Variants in SOAT1 observed in about 807,000 individuals in gnomAD.
The protein encoded by SOAT1 is sterol O-acyltransferase 1.
SOAT1 carries 55 observed loss-of-function variants against 69.5 expected under a neutral mutation model. That is an observed-to-expected ratio of 0.79 (90% confidence interval 0.64 to 0.99). The LOEUF (loss-of-function observed/expected upper bound fraction) is 0.99. Ranked by LOEUF, SOAT1 falls within the 50% of genes least tolerant of loss-of-function variation. The pLI is 0.00. For synonymous variants in SOAT1, 231 were observed against 224.7 expected, an observed-to-expected ratio of 1.03 and a Z score of -0.25; for missense variants, 580 against 669.3, an observed-to-expected ratio of 0.87 and a Z score of 1.47.
intron 10 of SOAT1, 26 bp downstream of exon 10, chr1:179,343,661 A>G (rs1666420780): frequency 6.4e-7 from 1 of 1,552,068 alleles, no homozygotes; most frequent in Non-Finnish European, 8.9e-7. Flanking sequence ...TGCCTAAGGT[A>G]TGTTGATTAG....
intron 1 of SOAT1, among the ~76,000 whole-genome samples, chr1:179,299,839 C>T (rs1179677476): frequency 2.8e-5 from 4 of 141,274 alleles, no homozygotes; most frequent in Non-Finnish European, 3.0e-5. Flanking sequence ...CTGCAAGCTC[C>T]GCCTCCTGGG....
chr1:179,302,093 G>A (rs1483460707), intron 1 of SOAT1, among the ~76,000 whole-genome samples: 1 of 148,550 alleles, frequency 6.7e-6, no homozygotes, highest in African/African-American at 2.5e-5. Flanking sequence ...TGGGGTCTAT[G>A]TTTAAAAAGG....
intron 2 of SOAT1, among the ~76,000 whole-genome samples, chr1:179,308,887 GA>G (rs2124944192): frequency 6.6e-6 from 1 of 152,072 alleles, no homozygotes; most frequent in African/African-American, 2.4e-5. Flanking sequence ...GTAAGTCTCA[GA>G]TATCTTTTCA....
Position 179,355,961 on chromosome 1 carries a change from C to T in SOAT1, c.*2320C>T, listed in dbSNP as rs190836686. 1 of 152,304 alleles carries T rather than the reference C, an allele frequency of 6.6e-6. No homozygotes were observed. Among genetic ancestry groups the T allele is most frequent in the East Asian group, 1.9e-4 (1 of 5,192 alleles). 9.4% of individuals were successfully genotyped at this position (152,304 alleles called of 1,614,324 possible). On this transcript the variant is annotated 3_prime_UTR_variant, in exon 16 of 16. Transcript: ENST00000367619. ...AAACAGTAGCACTTCAAGGAATGGT[C>T]ACTTTCTATGAAAGAAACTGGTTTG...
chr1:179,320,726 T>C (rs547152100), intron 2 of SOAT1, among the ~76,000 whole-genome samples: 1 of 152,206 alleles, frequency 6.6e-6, no homozygotes, highest in African/African-American at 2.4e-5. Flanking sequence ...TCACATTCTT[T>C]TATTTTATTT....
At chr1:179,310,571 CT>C (rs1665189807) in intron 2 of SOAT1, among the ~76,000 whole-genome samples, 1 of 152,078 alleles carries the variant, frequency 6.6e-6, no homozygotes, top group Admixed American at 6.6e-5. Context: ...CTTATCTTCC[CT>C]TTTATTGTTA....
Position 179,334,427 on chromosome 1 carries a change from G to C in SOAT1, c.178-1079G>C, listed in dbSNP as rs564642987. ...ATATAGTGACTTAGGCAAGATATGT[G>C]GGGGGAGTGTGTGTTTTATTTTGTC... On this transcript the variant is annotated intron_variant, in intron 3 of 15. Transcript: ENST00000367619. Among the ~76,000 whole-genome samples, 16 of 152,208 alleles carry C rather than the reference G, an allele frequency of 1.1e-4. No individual in the cohort carries two copies. In the South Asian group the frequency reaches 2.7e-3, roughly 26 times the overall value.
intron 1 of SOAT1, chr1:179,294,172 G>A (rs1344292819): frequency 6.6e-6 from 1 of 152,264 alleles, no homozygotes; most frequent in Non-Finnish European, 1.5e-5. Flanking sequence ...CTGGTTTGGT[G>A]TTCCGCAAAT....
chr1:179,305,582 C>A (rs1269278820), intron 2 of SOAT1, among the ~76,000 whole-genome samples: 1 of 152,042 alleles, frequency 6.6e-6, no homozygotes, highest in East Asian at 1.9e-4. Flanking sequence ...GTTTTCAGTT[C>A]TCTTGGGTAT....
intron 14 of SOAT1, among the ~76,000 whole-genome samples, chr1:179,351,066 A>T (rs1666713366): frequency 1.8e-5 from 2 of 112,644 alleles, no homozygotes; most frequent in South Asian, 5.7e-4. Flanking sequence ...TTTTTGAGAC[A>T]GAGTTTCACT....
intron 13 of SOAT1, 140 bp from the exon 14 acceptor site, chr1:179,350,154 CTT>C (rs1457287801): frequency 3.3e-6 from 2 of 610,714 alleles, no homozygotes; most frequent in Non-Finnish European, 5.6e-6. Context: ...TTTTAATAGA[CTT>C]GGATTAATCC....
intron 4 of SOAT1, among the ~76,000 whole-genome samples, chr1:179,336,535 C>T (rs1366403613): frequency 1.3e-5 from 2 of 151,042 alleles, no homozygotes; most frequent in Admixed American, 1.3e-4. Context: ...TTGCTGAGTG[C>T]TCTACATGAT....
At chr1:179,298,304 G>A (rs1028636454) in intron 1 of SOAT1, among the ~76,000 whole-genome samples, 1 of 151,886 alleles carries the variant, frequency 6.6e-6, no homozygotes, top group Non-Finnish European at 1.5e-5. Flanking sequence ...TAGCCAGGAT[G>A]GTCTCGATCT....
Position 179,350,353 on chromosome 1 carries a change from G to A in SOAT1, c.1372G>A (p.Val458Ile), listed in dbSNP as rs149189812. ...GTTAGCTGTCTTTGCTGTATCTGCT[G>A]TAGTACACGAATATGCCTTGGCTGT... is the stretch of plus-strand genomic sequence containing the variant. Reference protein sequence around the residue: ...AMLAVFAVSAVVHEYALAVCL... With the variant: ...AMLAVFAVSAIVHEYALAVCL... Residue 458 changes from valine to isoleucine, a missense_variant, in exon 14 of 16, where the codon GTA becomes ATA. By Grantham distance (29) the Val-to-Ile change is conservative (BLOSUM62 3). Transcript: ENST00000367619. 59 of 1,613,860 alleles carry A rather than the reference G, an allele frequency of 3.7e-5. No homozygotes were observed. Among genetic ancestry groups the A allele is most frequent in the Middle Eastern group, 1.6e-4 (1 of 6,082 alleles).
At chr1:179,302,080 G>T (rs912690843) in intron 1 of SOAT1, among the ~76,000 whole-genome samples, 2 of 149,356 alleles carry the variant, frequency 1.3e-5, no homozygotes, top group African/African-American at 2.5e-5. Context: ...TGTTCTTTAA[G>T]AGTGGGGTCT....
chr1:179,314,309 T>C (rs999654812), intron 2 of SOAT1, among the ~76,000 whole-genome samples: 3 of 152,224 alleles, frequency 2.0e-5, no homozygotes, highest in Non-Finnish European at 4.4e-5. Flanking sequence ...AGTATATAAA[T>C]TGAGTAAATT....
rs1666355303 is a variant in SOAT1 at position 179,342,024 on chromosome 1, A to G, written c.781-90A>G. ...ACACTTATCAGGATTTTCTGACTTT[A>G]CTGGCTATCTATAATGCATTTGACT... On this transcript the variant is annotated intron_variant, in intron 7 of 15. Coordinates refer to ENST00000367619, the MANE Select transcript of SOAT1 (RefSeq NM_003101.6). 5.9e-6 allele frequency: 9 copies of G among 1,513,108 alleles called. No homozygotes were observed. In the South Asian group the frequency reaches 9.3e-5, roughly 16 times the overall value. The allele number at this position is 1,513,108 out of a possible 1,614,324, so 93.7% of individuals were successfully genotyped here. A position where few individuals can be genotyped will look rare whatever the true frequency, so the allele number is the denominator to read the frequency against.
intron 13 of SOAT1, among the ~76,000 whole-genome samples, chr1:179,349,911 T>G (rs1484766216): frequency 3.3e-5 from 5 of 152,176 alleles, no homozygotes; most frequent in African/African-American, 1.2e-4. Flanking sequence ...GGCAAGTCCC[T>G]TTTCTCCTTC....
chr1:179,332,769 C>G (rs1202109739), intron 3 of SOAT1, among the ~76,000 whole-genome samples: 1 of 152,184 alleles, frequency 6.6e-6, no homozygotes, highest in African/African-American at 2.4e-5. Context: ...TAACAAGTTT[C>G]ATGTGATAGA....
Sources: allele counts gnomAD v4.1 joint callset (sites outside exome capture counted in the v4.1 genomes callset), GRCh38; gene constraint gnomAD v4.1.1; transcripts MANE v1.5; gene names NCBI Gene and HGNC (gene_info 2026-07-23, HGNC 2026-07-21).